The following CLHC1 variants were observed in gnomAD, a reference collection of about 807,000 sequenced individuals.
CLHC1 encodes clathrin heavy chain linker domain containing 1.
Under a neutral mutation model 69.5 loss-of-function variants are expected in CLHC1, and 72 were observed. That is an observed-to-expected ratio of 1.04 (90% CI 0.86 to 1.26). The LOEUF (loss-of-function observed/expected upper bound fraction) is 1.26. Ranked by LOEUF, CLHC1 falls within the 50% of genes most tolerant of loss-of-function variation. CLHC1 has a pLI of 0.00. For synonymous variants in CLHC1, 223 were observed against 224.3 expected, an observed-to-expected ratio of 0.99 and a Z score of 0.05; for missense variants, 790 against 679.3, an observed-to-expected ratio of 1.16 and a Z score of -1.81.
In CLHC1 at chr2:55,190,863, A is replaced by G. The variant is rs1265427830; in HGVS notation, c.1007-9119T>C. Among the ~76,000 whole-genome samples, 6 of 152,250 alleles carry G rather than the reference A, an allele frequency of 3.9e-5. No individual in the cohort carries two copies. The East Asian group carries it at 1.2e-3, about 29-fold the overall frequency. ...ATATGAGGAAAACCATAACCCACAG[A>G]TCCAAGAATCTCAATGGACTCCAAG... On this transcript the variant is annotated intron_variant, in intron 9 of 12. Transcript: ENST00000401408.
chr2:55,190,524 T>C (rs1289112852), intron 9 of CLHC1, among the ~76,000 whole-genome samples: 1 of 152,116 alleles, frequency 6.6e-6, no homozygotes, highest in Non-Finnish European at 1.5e-5. Context: ...AGAGGAAAGA[T>C]GGAATATGTT....
chr2:55,183,313 T>C (rs1193371361), intron 9 of CLHC1, among the ~76,000 whole-genome samples: 3 of 152,180 alleles, frequency 2.0e-5, no homozygotes, highest in South Asian at 4.1e-4. Flanking sequence ...AAAAAAGCTA[T>C]GTGACATGAC....
intron 9 of CLHC1, among the ~76,000 whole-genome samples, chr2:55,189,568 GA>G: frequency 6.6e-6 from 1 of 152,320 alleles, no homozygotes; most frequent in Middle Eastern, 3.4e-3. Flanking sequence ...CAAAGATGGA[GA>G]AGCCAGTTAG....
rs767407232 is a variant in CLHC1, at chr2:55,175,818, A to C, written c.1733T>G (p.Val578Gly). The C allele has an allele frequency of 2.8e-5, 45 of 1,613,886 alleles. No homozygotes were observed. Among genetic ancestry groups the C allele is most frequent in the Non-Finnish European group, 2.5e-6 (3 of 1,179,934 alleles). Residue 578 changes from valine (V) to glycine (G), a missense_variant, in exon 13 of 13, where the codon GTC becomes GGC. Transcript: ENST00000401408. ...VTEISEEDDA[V>G]NLMEHVFW ...CCAAAACACATGTTCCATTAGGTTG[A>C]CTGCGTCATCCTCTTCAGAAATTTC...
At chr2:55,204,654 T>TCACAATAGCCAAGATTTGGAAGCAAC (rs1482465727) in intron 9 of CLHC1, among the ~76,000 whole-genome samples, 20 of 152,344 alleles carry the variant, frequency 1.3e-4, no homozygotes, top group Middle Eastern at 6.8e-3. Context: ...GCAGTGCTAT[T>TCACAATAGCCAAGATTTGGAAGCAAC]CACAATAGCC....
intron 9 of CLHC1, among the ~76,000 whole-genome samples, chr2:55,184,962 A>AC (rs5831342): frequency 3.9e-4 from 55 of 141,754 alleles, no homozygotes; most frequent in African/African-American, 1.1e-3. Flanking sequence ...ACACACACAC[A>AC]AAGATTTCCT....
At chr2:55,182,958 T>G (rs1315832041) in intron 9 of CLHC1, among the ~76,000 whole-genome samples, 1 of 152,076 alleles carries the variant, frequency 6.6e-6, no homozygotes, top group African/African-American at 2.4e-5. Context: ...GGGAAGGCCC[T>G]AAAAAACAAA....
chr2:55,229,978 C>G (rs919208463), intron 1 of CLHC1, among the ~76,000 whole-genome samples: 3 of 152,188 alleles, frequency 2.0e-5, no homozygotes, highest in Non-Finnish European at 2.9e-5. Flanking sequence ...GAGGCTGAGG[C>G]AGGAGAATCA....
intron 11 of CLHC1, among the ~76,000 whole-genome samples, chr2:55,179,635 C>A (rs1017972630): frequency 3.9e-5 from 6 of 152,038 alleles, no homozygotes; most frequent in African/African-American, 1.2e-4. Flanking sequence ...AGGACAGGCA[C>A]TGGCCTGGGG....
chr2:55,185,329 C>T (rs572509939), intron 9 of CLHC1, among the ~76,000 whole-genome samples: 3 of 152,062 alleles, frequency 2.0e-5, no homozygotes, highest in Non-Finnish European at 2.9e-5. Flanking sequence ...GGCTGAAAGG[C>T]TATTTAAAAA....
intron 9 of CLHC1, among the ~76,000 whole-genome samples, chr2:55,196,749 G>C (rs965028357): frequency 2.0e-5 from 3 of 152,180 alleles, no homozygotes; most frequent in Non-Finnish European, 4.4e-5. Flanking sequence ...CTGACTTCAG[G>C]TGTGACCCAG....
intron 9 of CLHC1, among the ~76,000 whole-genome samples, chr2:55,183,255 A>C (rs1670091745): frequency 6.6e-6 from 1 of 152,202 alleles, no homozygotes; most frequent in Non-Finnish European, 1.5e-5. Context: ...TTTAGACTAG[A>C]CTTTTGGGTA....
chr2:55,196,336 C>G (rs1220760807), intron 9 of CLHC1, among the ~76,000 whole-genome samples: 1 of 152,090 alleles, frequency 6.6e-6, no homozygotes, highest in Non-Finnish European at 1.5e-5. Context: ...AGGCATATTA[C>G]CTAGTAAGAA....
chr2:55,182,028 G>C (rs1669985557), intron 9 of CLHC1, among the ~76,000 whole-genome samples: 2 of 152,032 alleles, frequency 1.3e-5, no homozygotes, highest in Admixed American at 6.6e-5. Flanking sequence ...GCATGGAATG[G>C]AATCTCCCTT....
At chr2:55,192,245 G>A (rs957628075) in intron 9 of CLHC1, among the ~76,000 whole-genome samples, 6 of 151,868 alleles carry the variant, frequency 4.0e-5, no homozygotes, top group East Asian at 1.9e-4. Context: ...TCAGCCTCCC[G>A]AATACCTGGG....
intron 1 of CLHC1, among the ~76,000 whole-genome samples, chr2:55,230,694 T>C (rs1484249106): frequency 6.6e-6 from 1 of 151,998 alleles, no homozygotes; most frequent in Non-Finnish European, 1.5e-5. Context: ...AGAGGTGAAG[T>C]CTTTGAAAGG....
intron 4 of CLHC1, chr2:55,214,931 G>T (rs1007118129): frequency 5.3e-5 from 8 of 152,174 alleles, no homozygotes; most frequent in African/African-American, 1.7e-4. Flanking sequence ...AATTTTTGCT[G>T]CTTTCTATGC....
At chr2:55,190,561 A>C (rs1670829232) in intron 9 of CLHC1, among the ~76,000 whole-genome samples, 1 of 152,202 alleles carries the variant, frequency 6.6e-6, no homozygotes, top group African/African-American at 2.4e-5. Flanking sequence ...TATATAAGAG[A>C]AACTCAAATC....
chr2:55,208,608 A>T lies in CLHC1; in HGVS notation c.899+18T>A, dbSNP rs779609861. The T allele has an allele frequency of 1.3e-5, 19 of 1,495,530 alleles. No individual in the cohort carries two copies. In the South Asian group the frequency reaches 2.2e-4, roughly 17 times the overall value. The allele number at this position is 1,495,530 out of a possible 1,614,324, so 92.6% of individuals were successfully genotyped here. A position where few individuals can be genotyped will look rare whatever the true frequency, so the allele number is the denominator to read the frequency against. On this transcript the variant is annotated intron_variant, in intron 8 of 12. Transcript: ENST00000401408. ...AAAAAATATAATTCTGAAAAATTAA[A>T]GCTTTTAAAATATTTGCCTTTCAAT...
Sources: gnomAD v4.1 joint callset for allele counts (sites outside exome capture counted in the v4.1 genomes callset) on GRCh38, gnomAD v4.1.1 for gene constraint, MANE v1.5 for transcripts, NCBI Gene and HGNC (gene_info 2026-07-23, HGNC 2026-07-21) for gene names.